The following ST8SIA1 variants were observed in gnomAD, a reference collection of about 807,000 sequenced individuals.
The protein encoded by ST8SIA1 is ST8 alpha-N-acetyl-neuraminide alpha-2,8-sialyltransferase 1.
A neutral mutation model predicts 35.9 loss-of-function variants in ST8SIA1; 16 were observed. That is an observed-to-expected ratio of 0.45 (90% CI 0.30 to 0.68). The LOEUF (loss-of-function observed/expected upper bound fraction) is 0.68, where lower values mean the gene tolerates loss of function less well. ST8SIA1 is among the 30% of genes least tolerant of loss of function. The pLI is 0.09. For synonymous variants in ST8SIA1, 170 were observed against 169.6 expected (o/e 1.00, Z -0.02); for missense variants, 383 against 453.6 (o/e 0.84, Z 1.41).
rs572563484 is a variant in ST8SIA1, at chr12:22,325,454, C to T, written c.236+8543G>A. 159 of 702,108 alleles carry T rather than the reference C, an allele frequency of 2.3e-4. 1 individual carries two copies. In the East Asian group the frequency reaches 4.1e-3, roughly 18 times the overall value. The allele number at this position is 702,108 out of a possible 1,614,324, so 43.5% of individuals were successfully genotyped here. A position where few individuals can be genotyped will look rare whatever the true frequency, so the allele number is the denominator to read the frequency against. On this transcript the variant is annotated intron_variant, in intron 1 of 4. Transcript: ENST00000396037. ...TTGGCTGCTTCCCTCTCATGCAATGCCACAGCTAGAAGACAGTTCAACAGA... is the reference window on the plus strand; with the variant it reads ...TTGGCTGCTTCCCTCTCATGCAATGTCACAGCTAGAAGACAGTTCAACAGA...
chr12:22,324,611 G>A (rs1218540609), intron 1 of ST8SIA1: 2 of 152,060 alleles, frequency 1.3e-5, no homozygotes, highest in Non-Finnish European at 2.9e-5. Context: ...TGATCCAGAA[G>A]AATATAAACC....
chr12:22,323,698 C>G (rs1866634717), intron 1 of ST8SIA1, among the ~76,000 whole-genome samples: 1 of 152,142 alleles, frequency 6.6e-6, no homozygotes, highest in South Asian at 2.1e-4. Context: ...AGATGGTGTC[C>G]TTTGCAGGGA....
In ST8SIA1 at chr12:22,200,607, T is replaced by A. The variant is rs1865038919; in HGVS notation, c.*945A>T. On this transcript the variant is annotated 3_prime_UTR_variant, in exon 5 of 5. Coordinates refer to ENST00000396037, the MANE Select transcript of ST8SIA1 (RefSeq NM_003034.4). ...CTTGCAGTGAATATGCCACAGTAGA[T>A]AGAAAAGGGATTTGTCTTCTGGTCT... 6.6e-6 allele frequency: 1 copy of A among 152,222 alleles called. No individual in the cohort carries two copies. Among genetic ancestry groups the A allele is most frequent in the South Asian group, 2.1e-4 (1 of 4,824 alleles). 9.4% of individuals were successfully genotyped at this position (152,222 alleles called of 1,614,324 possible).
intron 3 of ST8SIA1, among the ~76,000 whole-genome samples, chr12:22,249,654 G>A (rs1470365022): frequency 6.6e-6 from 1 of 152,270 alleles, no homozygotes; most frequent in East Asian, 1.9e-4. Flanking sequence ...TAGTAAGAAA[G>A]ATAATGTCAG....
chr12:22,243,743 T>G (rs1379182965), intron 4 of ST8SIA1, among the ~76,000 whole-genome samples: 1 of 152,184 alleles, frequency 6.6e-6, no homozygotes, highest in Non-Finnish European at 1.5e-5. Context: ...ATTCAAATAT[T>G]TTTATTGGCC....
intron 2 of ST8SIA1, chr12:22,268,624 G>C (rs1389912191): frequency 7.3e-6 from 1 of 136,382 alleles, no homozygotes; most frequent in Non-Finnish European, 1.7e-5. Flanking sequence ...GTTGAGGGGA[G>C]GGGGGGAAGC....
chr12:22,201,708 C>T lies in ST8SIA1; in HGVS notation c.915G>A (p.Gln305=), dbSNP rs371685710. The part of the protein sequence containing the change: ...FWPFSVNMHE[Q]PISHHYYDNV... Reference sequence around the variant, plus strand: ...TGTCATAGTAGTGGTGGCTGATGGGCTGCTCATGCATATTCACAGAGAAGG... The same window carrying T: ...TGTCATAGTAGTGGTGGCTGATGGGTTGCTCATGCATATTCACAGAGAAGG... Residue 305 remains glutamine, a synonymous_variant, in exon 5 of 5, where the codon CAG becomes CAA. Coordinates refer to ENST00000396037, the MANE Select transcript of ST8SIA1 (RefSeq NM_003034.4). 36 of 1,613,996 alleles carry T rather than the reference C, an allele frequency of 2.2e-5. No homozygotes were observed. The African/African-American group carries it at 4.3e-4, about 19-fold the overall frequency.
intron 2 of ST8SIA1, among the ~76,000 whole-genome samples, chr12:22,273,285 C>A (rs73270083): frequency 1.3e-5 from 2 of 152,176 alleles, no homozygotes; most frequent in South Asian, 2.1e-4. Flanking sequence ...TTTTCATATA[C>A]CCACACTTTC....
At chr12:22,211,942 C>T (rs1298944483) in intron 4 of ST8SIA1, among the ~76,000 whole-genome samples, 5 of 152,114 alleles carry the variant, frequency 3.3e-5, no homozygotes, top group Non-Finnish European at 7.4e-5. Context: ...AACTCCTGAC[C>T]ACAGGTGATC....
At chr12:22,214,014 A>T (rs1190875549) in intron 4 of ST8SIA1, among the ~76,000 whole-genome samples, 1 of 152,224 alleles carries the variant, frequency 6.6e-6, no homozygotes, top group Non-Finnish European at 1.5e-5. Context: ...TCATTGTGAT[A>T]TGTAACACAA....
intron 1 of ST8SIA1, among the ~76,000 whole-genome samples, chr12:22,303,673 TTTG>T (rs1355164385): frequency 6.6e-6 from 1 of 152,204 alleles, no homozygotes; most frequent in Non-Finnish European, 1.5e-5. Flanking sequence ...CTTAACTTTT[TTTG>T]TTGTTGTTGT....
intron 1 of ST8SIA1, among the ~76,000 whole-genome samples, chr12:22,323,980 A>G (rs1221101763): frequency 6.6e-6 from 1 of 152,176 alleles, no homozygotes; most frequent in Non-Finnish European, 1.5e-5. Context: ...AAACCTGCAT[A>G]TACTGCACAT....
intron 2 of ST8SIA1, among the ~76,000 whole-genome samples, chr12:22,257,506 G>A (rs1339332263): frequency 1.3e-5 from 2 of 150,972 alleles, no homozygotes; most frequent in African/African-American, 2.4e-5. Context: ...TTACAGGAGC[G>A]AGCCACCGCA....
chr12:22,265,155 A>G (rs2135802630), intron 2 of ST8SIA1, among the ~76,000 whole-genome samples: 1 of 152,334 alleles, frequency 6.6e-6, no homozygotes, highest in East Asian at 1.9e-4. Flanking sequence ...TAAGGTGACA[A>G]AGACTGTGTC....
chr12:22,259,566 C>T (rs529076913), intron 2 of ST8SIA1, among the ~76,000 whole-genome samples: 3 of 152,068 alleles, frequency 2.0e-5, no homozygotes, highest in East Asian at 3.9e-4. Context: ...CCCAGGTTCA[C>T]GCCATTCTCC....
intron 4 of ST8SIA1, among the ~76,000 whole-genome samples, chr12:22,240,738 A>C (rs1865531039): frequency 6.6e-6 from 1 of 152,162 alleles, no homozygotes; most frequent in Non-Finnish European, 1.5e-5. Context: ...CCCTGCGATT[A>C]TCTCTACATT....
At chr12:22,274,341 G>A (rs1865945118) in intron 2 of ST8SIA1, among the ~76,000 whole-genome samples, 1 of 152,166 alleles carries the variant, frequency 6.6e-6, no homozygotes, top group South Asian at 2.1e-4. Flanking sequence ...GGCCAGATTA[G>A]ATACAAAAAG....
rs774511904 is a variant in ST8SIA1, at chr12:22,333,903, G to A, written c.236+94C>T. ...GAGCGGATGAAAGGGATGCCTCTGC[G>A]AGACGGTGCAAGGCGGTCCTCGCCG... On this transcript the variant is annotated intron_variant, in intron 1 of 4. Coordinates refer to ENST00000396037, the MANE Select transcript of ST8SIA1 (RefSeq NM_003034.4). 8 of 1,079,936 alleles carry A rather than the reference G, an allele frequency of 7.4e-6. No individual in the cohort carries two copies. The African/African-American group carries it at 7.7e-5, about 10-fold the overall frequency. The allele number at this position is 1,079,936 out of a possible 1,614,324, so 66.9% of individuals were successfully genotyped here. A position where few individuals can be genotyped will look rare whatever the true frequency, so the allele number is the denominator to read the frequency against.
At chr12:22,232,276 G>A (rs1304497965) in intron 4 of ST8SIA1, among the ~76,000 whole-genome samples, 3 of 152,132 alleles carry the variant, frequency 2.0e-5, no homozygotes, top group Admixed American at 6.5e-5. Context: ...GCAATTATTC[G>A]GGAGACACAT....
Sources: gnomAD v4.1 joint callset for allele counts (sites outside exome capture counted in the v4.1 genomes callset) on GRCh38, gnomAD v4.1.1 for gene constraint, MANE v1.5 for transcripts, NCBI Gene and HGNC (gene_info 2026-07-23, HGNC 2026-07-21) for gene names.